NALF1: variants seen among roughly 807,000 people sequenced by gnomAD.
The protein encoded by NALF1 is NALCN channel auxiliary factor 1.
Under a neutral mutation model 48.4 loss-of-function variants are expected in NALF1, and 3 were observed. That is an observed-to-expected ratio of 0.06 (90% CI 0.03 to 0.16). The LOEUF (loss-of-function observed/expected upper bound fraction) is 0.16. Among genes scored for constraint, NALF1 ranks in the 10% least tolerant of loss-of-function variants. The pLI, the probability that NALF1 is intolerant of heterozygous loss-of-function variation, is 1.00. For synonymous variants in NALF1, 262 were observed against 245.7 expected (o/e 1.07, Z -0.62); for missense variants, 526 against 571.5 (o/e 0.92, Z 0.81).
intron 1 of NALF1, among the ~76,000 whole-genome samples, chr13:107,224,156 G>A (rs1259520752): frequency 6.6e-6 from 1 of 151,816 alleles, no homozygotes; most frequent in Non-Finnish European, 1.5e-5. Context: ...TGCAGCTTTG[G>A]AGCAGACAGT....
chr13:107,663,945 C>T (rs1386627577), intron 1 of NALF1, among the ~76,000 whole-genome samples: 2 of 152,162 alleles, frequency 1.3e-5, no homozygotes, highest in African/African-American at 4.8e-5. Context: ...TCCTTTGTGA[C>T]TGCACCCACT....
intron 1 of NALF1, among the ~76,000 whole-genome samples, chr13:107,236,798 T>C (rs1880359656): frequency 6.6e-6 from 1 of 151,966 alleles, no homozygotes; most frequent in Non-Finnish European, 1.5e-5. Context: ...CAACCTCAAA[T>C]AAAAAATATT....
chr13:107,444,431 AACTATG>A (rs1884614900), intron 1 of NALF1, among the ~76,000 whole-genome samples: 1 of 152,152 alleles, frequency 6.6e-6, no homozygotes, highest in Non-Finnish European at 1.5e-5. Context: ...GGGGAGTGGC[AACTATG>A]AACTCAGCAA....
chr13:107,364,843 T>G (rs948650711), intron 1 of NALF1, among the ~76,000 whole-genome samples: 1 of 152,048 alleles, frequency 6.6e-6, no homozygotes, highest in African/African-American at 2.4e-5. Flanking sequence ...AAGGCACATT[T>G]CACCATTTCA....
intron 1 of NALF1, among the ~76,000 whole-genome samples, chr13:107,846,432 T>A (rs1330791182): frequency 6.6e-6 from 1 of 152,158 alleles, no homozygotes; most frequent in African/African-American, 2.4e-5. Flanking sequence ...CAGGGAAACT[T>A]CGTCTATCCT....
intron 1 of NALF1, among the ~76,000 whole-genome samples, chr13:107,490,304 C>A (rs1346326765): frequency 3.9e-5 from 6 of 152,128 alleles, no homozygotes; most frequent in Non-Finnish European, 8.8e-5. Flanking sequence ...TTCACAATAG[C>A]AAACACACAG....
At chr13:107,212,380 C>T (rs893038019) in intron 1 of NALF1, among the ~76,000 whole-genome samples, 3 of 152,176 alleles carry the variant, frequency 2.0e-5, no homozygotes, top group East Asian at 1.9e-4. Flanking sequence ...TGAGTCTTCT[C>T]GTAACAGTGT....
intron 1 of NALF1, among the ~76,000 whole-genome samples, chr13:107,340,489 T>TTTCTTCTCTCTTTCTTTC (rs1566489753): frequency 1.8e-5 from 1 of 57,126 alleles, no homozygotes; most frequent in Admixed American, 2.0e-4. Context: ...TTCTTTCTTT[T>TTTCTTCTCTCTTTCTTTC]TGTCTTTCTT....
Position 107,170,420 on chromosome 13 carries a change from A to G in NALF1, c.*77T>C, listed in dbSNP as rs1268232828. On this transcript the variant is annotated 3_prime_UTR_variant, in exon 3 of 3. Transcript: ENST00000375915. ...AAGTAATTCGAGGGTAAAAGCACCCAGTTTCTGTTACATGAGACAGCAGTT... is the reference window on the plus strand; with the variant it reads ...AAGTAATTCGAGGGTAAAAGCACCCGGTTTCTGTTACATGAGACAGCAGTT... 3 of 1,442,898 alleles carry G rather than the reference A, an allele frequency of 2.1e-6. No individual in the cohort carries two copies. Among genetic ancestry groups the G allele is most frequent in the Non-Finnish European group, 2.8e-6 (3 of 1,066,382 alleles). The allele number at this position is 1,442,898 out of a possible 1,614,324, so 89.4% of individuals were successfully genotyped here.
At chr13:107,807,201 G>A (rs527724095) in intron 1 of NALF1, among the ~76,000 whole-genome samples, 2 of 151,962 alleles carry the variant, frequency 1.3e-5, no homozygotes, top group African/African-American at 2.4e-5. Flanking sequence ...ATTCAGCTTC[G>A]TAAAAGTTTG....
chr13:107,201,471 G>A (rs923316857), intron 2 of NALF1, among the ~76,000 whole-genome samples: 8 of 152,136 alleles, frequency 5.3e-5, no homozygotes, highest in African/African-American at 1.9e-4. Context: ...CAGCTACTCG[G>A]GAGGCTGAGG....
intron 1 of NALF1, among the ~76,000 whole-genome samples, chr13:107,745,149 G>C (rs1315599878): frequency 1.3e-5 from 2 of 152,164 alleles, no homozygotes; most frequent in Non-Finnish European, 2.9e-5. Flanking sequence ...ATTTTTAACT[G>C]CAACTAAAAC....
At chr13:107,173,638 T>C (rs1878850487) in intron 2 of NALF1, among the ~76,000 whole-genome samples, 2 of 152,212 alleles carry the variant, frequency 1.3e-5, no homozygotes, top group Non-Finnish European at 2.9e-5. Flanking sequence ...CCCTGTTCCC[T>C]GTATCCTGTG....
chr13:107,493,171 T>C (rs2139071256), intron 1 of NALF1, among the ~76,000 whole-genome samples: 1 of 152,302 alleles, frequency 6.6e-6, no homozygotes, highest in East Asian at 1.9e-4. Context: ...AAAATCACTC[T>C]GGTCAAGAGA....
chr13:107,225,074 T>TCTCGG lies in NALF1; in HGVS notation c.916-14324_916-14320dup, dbSNP rs576390318. 2.7e-3 allele frequency among the ~76,000 whole-genome samples: 406 copies of TCTCGG among 152,286 alleles called. 3 individuals carry two copies. The highest frequency in any genetic ancestry group is 0.01 in the Middle Eastern group (3 of 294). Reference sequence around the variant, plus strand: ...CCCAGGCTGGAGTGCAGTGGCACAATCTCGGCTCACTGCAACCTCCGCCTC... The same window carrying TCTCGG: ...CCCAGGCTGGAGTGCAGTGGCACAATCTCGGCTCGGCTCACTGCAACCTCCGCCTC... On this transcript the variant is annotated intron_variant, in intron 1 of 2. Coordinates refer to ENST00000375915, the MANE Select transcript of NALF1 (RefSeq NM_001080396.3).
At chr13:107,329,493 T>C (rs886692193) in intron 1 of NALF1, among the ~76,000 whole-genome samples, 6 of 152,074 alleles carry the variant, frequency 3.9e-5, no homozygotes, top group Non-Finnish European at 8.8e-5. Context: ...CACTCTCTTT[T>C]TTTTTTTAAA....
intron 1 of NALF1, among the ~76,000 whole-genome samples, chr13:107,217,159 G>A (rs894917269): frequency 2.6e-5 from 4 of 151,870 alleles, no homozygotes; most frequent in African/African-American, 7.3e-5. Context: ...GCCTCAGCTC[G>A]AACCACTCCA....
intron 1 of NALF1, among the ~76,000 whole-genome samples, chr13:107,448,587 T>C (rs992600761): frequency 7.2e-5 from 11 of 152,222 alleles, no homozygotes; most frequent in African/African-American, 2.7e-4. Context: ...ATGTCACATA[T>C]ACTGGCATTT....
intron 1 of NALF1, among the ~76,000 whole-genome samples, chr13:107,792,022 C>G (rs1314854153): frequency 6.6e-6 from 1 of 152,154 alleles, no homozygotes; most frequent in African/African-American, 2.4e-5. Context: ...GAGCTGAAGT[C>G]TATTTCAAAT....
Sources: gnomAD v4.1 joint callset for allele counts (sites outside exome capture counted in the v4.1 genomes callset) on GRCh38, gnomAD v4.1.1 for gene constraint, MANE v1.5 for transcripts, NCBI Gene and HGNC (gene_info 2026-07-23, HGNC 2026-07-21) for gene names.